The following PHACTR3 variants were observed in gnomAD, a reference collection of about 807,000 sequenced individuals.
The protein encoded by PHACTR3 is phosphatase and actin regulator 3.
PHACTR3 carries 16 observed loss-of-function variants against 66.8 expected under a neutral mutation model. The ratio of observed to expected loss-of-function variants is 0.24; its 90% CI spans 0.16 to 0.36. The LOEUF (loss-of-function observed/expected upper bound fraction) is 0.36. Ranked by LOEUF, PHACTR3 falls within the 10% of genes least tolerant of loss-of-function variation. The probability of loss-of-function intolerance (pLI) is 1.00; values close to 1 mark genes in which losing one functional copy is unlikely to be tolerated. For missense variants in PHACTR3, 647 were observed against 719.9 expected (o/e 0.90, Z 1.16); for synonymous variants, 323 against 292.1 (o/e 1.11, Z -1.08).
chr20:59,789,642 A>G lies in PHACTR3; in HGVS notation c.1174+15152A>G, dbSNP rs58786667. ...CCAGATGGAGAATCTTAGCAGAGAA[A>G]CAGAAACAAAAAGAAAACCAAATGG... On this transcript the variant is annotated intron_variant, in intron 7 of 12. Coordinates refer to ENST00000371015, the MANE Select transcript of PHACTR3 (RefSeq NM_080672.5). Among the ~76,000 whole-genome samples the G allele has an allele frequency of 4.1e-3, 619 of 152,368 alleles. 2 individuals are homozygous for G. Among genetic ancestry groups the G allele is most frequent in the African/African-American group, 0.014 (590 of 41,582 alleles).
intron 1 of PHACTR3, among the ~76,000 whole-genome samples, chr20:59,708,024 G>T (rs1453757181): frequency 6.6e-6 from 1 of 152,194 alleles, no homozygotes; most frequent in Non-Finnish European, 1.5e-5. Flanking sequence ...GTCCTGGAAT[G>T]GATTCTCATT....
intron 1 of PHACTR3, among the ~76,000 whole-genome samples, chr20:59,620,260 C>T (rs1308036574): frequency 1.3e-5 from 2 of 152,206 alleles, no homozygotes; most frequent in African/African-American, 4.8e-5. Context: ...TACCTTTCAC[C>T]TATATTCCCC....
rs1271757480 is a variant in PHACTR3 at position 59,830,189 on chromosome 20, T to C, written c.1329-6316T>C. Among the ~76,000 whole-genome samples the C allele has an allele frequency of 1.3e-5, 2 of 151,946 alleles. No homozygotes were observed. Among genetic ancestry groups the C allele is most frequent in the Non-Finnish European group, 2.9e-5 (2 of 67,970 alleles). ...GGTGGAAGAGGGTGTGCGTGTCTGA[T>C]GGAAGAGGGTATGAGTGTCTGATAG... On this transcript the variant is annotated intron_variant, in intron 8 of 12. Coordinates refer to ENST00000371015, the MANE Select transcript of PHACTR3 (RefSeq NM_080672.5). The surrounding 1 kb of genome is among the most constrained non-coding windows in gnomAD (Gnocchi z 5.8).
intron 1 of PHACTR3, among the ~76,000 whole-genome samples, chr20:59,635,318 T>A (rs1033671549): frequency 1.2e-4 from 18 of 145,456 alleles, no homozygotes; most frequent in Non-Finnish European, 1.5e-5. Context: ...CACTGCAACC[T>A]CCACCTCCCA....
chr20:59,841,817 G>A (rs1384867150), intron 11 of PHACTR3, among the ~76,000 whole-genome samples: 1 of 152,042 alleles, frequency 6.6e-6, no homozygotes, highest in African/African-American at 2.4e-5. Context: ...CAGGGACACT[G>A]CTCAGCATCT....
intron 1 of PHACTR3, among the ~76,000 whole-genome samples, chr20:59,597,011 G>A (rs919546122): frequency 6.6e-6 from 1 of 152,260 alleles, no homozygotes; most frequent in Admixed American, 6.5e-5. Context: ...GACAGGGCCT[G>A]GCATGGAGTC....
chr20:59,621,892 C>G (rs2034253037), intron 1 of PHACTR3, among the ~76,000 whole-genome samples: 1 of 152,340 alleles, frequency 6.6e-6, no homozygotes, highest in African/African-American at 2.4e-5. Flanking sequence ...TTCCCAGAGA[C>G]AAGAGGCAGC....
intron 7 of PHACTR3, among the ~76,000 whole-genome samples, chr20:59,784,373 G>C (rs866910277): frequency 1.2e-4 from 18 of 152,156 alleles, no homozygotes; most frequent in South Asian, 6.2e-4. Flanking sequence ...GTATGTGTAT[G>C]CATATGTATA....
exon 1 of PHACTR3, chr20:59,577,515 G>C: frequency 8.9e-7 from 1 of 1,128,686 alleles, no homozygotes; most frequent in Non-Finnish European, 1.1e-6. Flanking sequence ...CGGGATGCGT[G>C]GCCGTGGCGG....
chr20:59,817,771 A>C (rs2041927221), intron 8 of PHACTR3, among the ~76,000 whole-genome samples: 1 of 152,240 alleles, frequency 6.6e-6, no homozygotes, highest in African/African-American at 2.4e-5. Flanking sequence ...TTTTGGTGAA[A>C]TAGCCTTCAT....
intron 1 of PHACTR3, among the ~76,000 whole-genome samples, chr20:59,703,491 C>T (rs1046867801): frequency 2.3e-4 from 35 of 152,074 alleles, no homozygotes; most frequent in African/African-American, 8.0e-4. Flanking sequence ...CTAGTGAGAT[C>T]GTTGTGTAAT....
In PHACTR3 at chr20:59,669,044, G is replaced by A. The variant is rs186098044; in HGVS notation, c.118+63912G>A. ...ATTACAGGTGTGAACCACTGCGCCC[G>A]GCCCAAAGCCTAAGTTTTAGTATAA... On this transcript the variant is annotated intron_variant, in intron 1 of 12. Transcript: ENST00000371015. 4.5e-4 allele frequency among the ~76,000 whole-genome samples: 68 copies of A among 152,186 alleles called. 1 individual carries two copies. The East Asian group carries it at 7.3e-3, about 16-fold the overall frequency.
At position 59,820,026 on chromosome 20, in the gene PHACTR3, G is replaced by A. The variant is rs2041992283; in HGVS notation, c.1328+13832G>A. 2.0e-5 allele frequency among the ~76,000 whole-genome samples: 3 copies of A among 152,176 alleles called. No homozygotes were observed. Among genetic ancestry groups the A allele is most frequent in the Admixed American group, 2.0e-4 (3 of 15,280 alleles). Reference sequence around the variant, plus strand: ...CCGACTGACTTTCCCAGCCCTCCAGGGGGACCGTTGCTGGGGCTTCCGGTC... The same window carrying A: ...CCGACTGACTTTCCCAGCCCTCCAGAGGGACCGTTGCTGGGGCTTCCGGTC... On this transcript the variant is annotated intron_variant, in intron 8 of 12. Transcript: ENST00000371015. The surrounding 1 kb of genome is among the most constrained non-coding windows in gnomAD (Gnocchi z 4.6).
intron 4 of PHACTR3, among the ~76,000 whole-genome samples, chr20:59,764,011 G>A (rs886560088): frequency 7.9e-5 from 12 of 152,212 alleles, no homozygotes; most frequent in African/African-American, 2.9e-4. Flanking sequence ...GGTCAAGACT[G>A]TTTGGTTTGG....
At chr20:59,803,722 A>T (rs938007609) in intron 7 of PHACTR3, among the ~76,000 whole-genome samples, 4 of 152,184 alleles carry the variant, frequency 2.6e-5, no homozygotes, top group Admixed American at 2.0e-4. Context: ...CTCTGACTGG[A>T]TGTTTACGTT....
At chr20:59,646,832 C>CTG (rs889393613) in intron 1 of PHACTR3, among the ~76,000 whole-genome samples, 1 of 152,194 alleles carries the variant, frequency 6.6e-6, no homozygotes, top group Non-Finnish European at 1.5e-5. Context: ...TGGCAGAAGA[C>CTG]TGTGTGAGTG....
chr20:59,816,036 A>C (rs539435934), intron 8 of PHACTR3, among the ~76,000 whole-genome samples: 1 of 152,154 alleles, frequency 6.6e-6, no homozygotes, highest in East Asian at 1.9e-4. Context: ...TTATTATTAC[A>C]TTGTAATATA....
intron 1 of PHACTR3, among the ~76,000 whole-genome samples, chr20:59,622,327 C>G (rs1043737702): frequency 9.2e-5 from 14 of 152,114 alleles, no homozygotes; most frequent in Non-Finnish European, 1.8e-4. Flanking sequence ...CTGTCAGTCC[C>G]TTCATCAGGC....
intron 1 of PHACTR3, among the ~76,000 whole-genome samples, chr20:59,669,658 T>C (rs1403296017): frequency 1.3e-5 from 2 of 152,234 alleles, no homozygotes; most frequent in African/African-American, 4.8e-5. Flanking sequence ...CCTGGCCACC[T>C]GTAACCCGCT....
Sources: gnomAD v4.1 joint callset for allele counts (sites outside exome capture counted in the v4.1 genomes callset) on GRCh38, gnomAD v4.1.1 for gene constraint, Gnocchi (gnomAD v3.1) non-coding constraint, MANE v1.5 for transcripts, NCBI Gene and HGNC (gene_info 2026-07-23, HGNC 2026-07-21) for gene names.